Variants in RAB27B observed in about 807,000 individuals in gnomAD.
RAB27B encodes the protein RAB27B, member RAS oncogene family.
RAB27B carries 15 observed loss-of-function variants against 24.6 expected under a neutral mutation model. The ratio of observed to expected loss-of-function variants is 0.61; its 90% CI spans 0.41 to 0.94. The LOEUF (loss-of-function observed/expected upper bound fraction) is 0.94, where lower values mean the gene tolerates loss of function less well. Among genes scored for constraint, RAB27B ranks in the 40% least tolerant of loss-of-function variants. RAB27B has a pLI of 0.00. For missense variants in RAB27B, 261 were observed against 266.8 expected (o/e 0.98, Z 0.15); for synonymous variants, 105 against 92.5 (o/e 1.14, Z -0.78).
chr18:54,830,601 A>G (rs937480500), intron 1 of RAB27B, among the ~76,000 whole-genome samples: 3 of 151,884 alleles, frequency 2.0e-5, no homozygotes, highest in African/African-American at 4.8e-5. Flanking sequence ...TGGCTGCCAA[A>G]TGGGAATGAT....
intron 1 of RAB27B, among the ~76,000 whole-genome samples, chr18:54,853,381 T>C (rs1351185210): frequency 6.6e-6 from 1 of 152,130 alleles, no homozygotes; most frequent in East Asian, 1.9e-4. Context: ...GTCATTGAAT[T>C]TCAGAGAGAA....
At chr18:54,786,692 T>C (rs1340320574) in intron 2 of RAB27B, among the ~76,000 whole-genome samples, 1 of 152,220 alleles carries the variant, frequency 6.6e-6, no homozygotes, top group African/African-American at 2.4e-5. Flanking sequence ...CATAATACAT[T>C]TGAGAGATTT....
intron 2 of RAB27B, among the ~76,000 whole-genome samples, chr18:54,816,850 G>T (rs1175117929): frequency 1.3e-5 from 2 of 152,114 alleles, no homozygotes; most frequent in African/African-American, 4.8e-5. Context: ...ATCACTAATT[G>T]TGACATAAAG....
intron 2 of RAB27B, among the ~76,000 whole-genome samples, chr18:54,724,874 G>C (rs1568042870): frequency 6.6e-6 from 1 of 151,580 alleles, no homozygotes; most frequent in Admixed American, 6.6e-5. Flanking sequence ...AGGATATTTT[G>C]TTTGGTGAAC....
intron 2 of RAB27B, among the ~76,000 whole-genome samples, chr18:54,821,637 C>T (rs890204329): frequency 1.8e-4 from 27 of 152,226 alleles, no homozygotes; most frequent in Admixed American, 1.3e-3. Flanking sequence ...GGAGGCATCA[C>T]GCCACCTGAC....
chr18:54,857,350 G>A (rs765684134), intron 1 of RAB27B, among the ~76,000 whole-genome samples: 1 of 152,112 alleles, frequency 6.6e-6, no homozygotes, highest in Non-Finnish European at 1.5e-5. Context: ...AGAGACCTAC[G>A]AATCATTTCC....
At chr18:54,844,340 A>C (rs758829255) in intron 1 of RAB27B, among the ~76,000 whole-genome samples, 11 of 151,602 alleles carry the variant, frequency 7.3e-5, no homozygotes, top group Non-Finnish European at 1.6e-4. Flanking sequence ...CACTTCATGA[A>C]CTAACGTACT....
chr18:54,780,055 C>T (rs1908851667), intron 2 of RAB27B, among the ~76,000 whole-genome samples: 1 of 141,352 alleles, frequency 7.1e-6, no homozygotes, highest in African/African-American at 2.7e-5. Flanking sequence ...TCTCCCCTCT[C>T]CTGACAGCTT....
intron 2 of RAB27B, among the ~76,000 whole-genome samples, chr18:54,770,926 TA>T (rs1209312348): frequency 4.6e-5 from 7 of 152,218 alleles, no homozygotes; most frequent in Non-Finnish European, 1.0e-4. Context: ...ATTATATTTA[TA>T]TGTTAATTCT....
intron 2 of RAB27B, among the ~76,000 whole-genome samples, chr18:54,807,966 T>A (rs1241505517): frequency 1.3e-5 from 2 of 152,216 alleles, no homozygotes; most frequent in Non-Finnish European, 2.9e-5. Flanking sequence ...TTGTCTCCAG[T>A]CTGTTTGTAT....
chr18:54,758,094 T>G (rs916184071), intron 2 of RAB27B, among the ~76,000 whole-genome samples: 10 of 151,200 alleles, frequency 6.6e-5, no homozygotes, highest in African/African-American at 2.2e-4. Flanking sequence ...GTAACCTAGG[T>G]TTTTTTTAAG....
chr18:54,764,323 A>G (rs1300373855), intron 2 of RAB27B, among the ~76,000 whole-genome samples: 1 of 152,168 alleles, frequency 6.6e-6, no homozygotes, highest in Non-Finnish European at 1.5e-5. Context: ...TCAACACTCT[A>G]TCTCTGACCA....
At chr18:54,864,468 T>C (rs1912131026) in intron 1 of RAB27B, among the ~76,000 whole-genome samples, 3 of 151,966 alleles carry the variant, frequency 2.0e-5, no homozygotes, top group Admixed American at 2.0e-4. Flanking sequence ...CTTTTTTTCA[T>C]GGTGTCTATT....
chr18:54,779,985 C>T (rs1487909619), intron 2 of RAB27B, among the ~76,000 whole-genome samples: 2 of 148,266 alleles, frequency 1.3e-5, no homozygotes, highest in Non-Finnish European at 3.0e-5. Context: ...TGTCTCCCCT[C>T]TCCTGAGGGC....
chr18:54,834,527 ACTTC>A (rs1309096500), intron 1 of RAB27B, among the ~76,000 whole-genome samples: 2 of 152,114 alleles, frequency 1.3e-5, no homozygotes, highest in East Asian at 1.9e-4. Context: ...TTTGATGTTT[ACTTC>A]CTTCCTTCTT....
Position 54,811,168 on chromosome 18 carries a change from G to A in RAB27B, c.-19-66399G>A, listed in dbSNP as rs567871656. On this transcript the variant is annotated intron_variant, in intron 2 of 4. Transcript: ENST00000586570. ...AAATAAGTTTCCTAAAGTTTTAGAG[G>A]GGGGAAGAGGCACACTACATAGAGA... is the stretch of plus-strand genomic sequence containing the variant. Among the ~76,000 whole-genome samples, 240 of 152,028 alleles carry A rather than the reference G, an allele frequency of 1.6e-3. 1 individual carries two copies. Among genetic ancestry groups the A allele is most frequent in the African/African-American group, 5.5e-3 (228 of 41,462 alleles).
At chr18:54,835,191 T>C (rs376538795) in intron 1 of RAB27B, among the ~76,000 whole-genome samples, 15 of 151,952 alleles carry the variant, frequency 9.9e-5, no homozygotes, top group African/African-American at 3.1e-4. Context: ...AAAGAGAAAC[T>C]AGTCATGTCT....
chr18:54,865,769 A>G (rs535865985), intron 1 of RAB27B, among the ~76,000 whole-genome samples: 49 of 152,368 alleles, frequency 3.2e-4, no homozygotes, highest in African/African-American at 1.2e-3. Flanking sequence ...GTTTCAGTGG[A>G]TACAGAAATA....
intron 2 of RAB27B, among the ~76,000 whole-genome samples, chr18:54,822,517 A>G (rs1357602026): frequency 1.3e-5 from 2 of 152,236 alleles, no homozygotes; most frequent in Non-Finnish European, 2.9e-5. Context: ...CCGTAAAGCT[A>G]CCAGCAAAGC....
Sources: allele counts gnomAD v4.1 joint callset (sites outside exome capture counted in the v4.1 genomes callset), GRCh38; gene constraint gnomAD v4.1.1; transcripts MANE v1.5; gene names NCBI Gene and HGNC (gene_info 2026-07-23, HGNC 2026-07-21).